The following IMMP2L variants were observed in gnomAD, a reference collection of about 807,000 sequenced individuals.
IMMP2L encodes inner mitochondrial membrane peptidase subunit 2.
A neutral mutation model predicts 19.3 loss-of-function variants in IMMP2L; 18 were observed. The observed-to-expected ratio is 0.93, with a 90% CI of 0.64 to 1.38. The LOEUF (loss-of-function observed/expected upper bound fraction) is 1.38, where lower values mean the gene tolerates loss of function less well. Ranked by LOEUF, IMMP2L falls within the 40% of genes most tolerant of loss-of-function variation. The probability of loss-of-function intolerance (pLI) is 0.00; values close to 1 mark genes in which losing one functional copy is unlikely to be tolerated. For synonymous variants in IMMP2L, 76 were observed against 73.0 expected (o/e 1.04, Z -0.21); for missense variants, 233 against 218.2 (o/e 1.07, Z -0.43).
intron 3 of IMMP2L, among the ~76,000 whole-genome samples, chr7:111,473,546 T>A (rs1249056418): frequency 1.3e-5 from 2 of 152,180 alleles, no homozygotes; most frequent in Non-Finnish European, 2.9e-5. Flanking sequence ...TAATCCAGCA[T>A]GGAGCTACAG....
intron 3 of IMMP2L, among the ~76,000 whole-genome samples, chr7:111,354,317 T>C (rs1249782255): frequency 1.3e-5 from 2 of 151,950 alleles, no homozygotes; most frequent in African/African-American, 4.8e-5. Flanking sequence ...AGAGAACATA[T>C]ATATTACCAT....
chr7:111,287,441 T>C (rs1015346342), intron 3 of IMMP2L, among the ~76,000 whole-genome samples: 2 of 151,902 alleles, frequency 1.3e-5, no homozygotes, highest in African/African-American at 2.4e-5. Flanking sequence ...TTAAACACCA[T>C]AACTGATTTG....
intron 3 of IMMP2L, among the ~76,000 whole-genome samples, chr7:111,039,998 C>G (rs1178205658): frequency 6.6e-6 from 1 of 152,168 alleles, no homozygotes; most frequent in Non-Finnish European, 1.5e-5. Flanking sequence ...AAACCCGTCT[C>G]TACTAAAAAT....
intron 3 of IMMP2L, among the ~76,000 whole-genome samples, chr7:111,323,322 T>C (rs1824947881): frequency 6.6e-6 from 1 of 151,986 alleles, no homozygotes; most frequent in Admixed American, 6.6e-5. Context: ...CATCAAAAAG[T>C]GGGCAAAGGA....
chr7:110,963,747 A>G (rs747122344), intron 3 of IMMP2L, among the ~76,000 whole-genome samples, 182 bp from the exon 4 acceptor site: 2 of 152,032 alleles, frequency 1.3e-5, no homozygotes, highest in Non-Finnish European at 2.9e-5. Context: ...AGTAATTCTC[A>G]TTTTAAATAA....
chr7:111,556,399 A>G lies in IMMP2L; in HGVS notation c.-3+5452T>C, dbSNP rs1191093629. 2.6e-5 allele frequency among the ~76,000 whole-genome samples: 4 copies of G among 152,112 alleles called. No homozygotes were observed. In the East Asian group the frequency reaches 5.8e-4, roughly 22 times the overall value. ...CCATTTTACTATTTACATGTATTCC[A>G]TAACATGTTATTTTCCTTAAATATA... On this transcript the variant is annotated intron_variant, in intron 1 of 5. Coordinates refer to ENST00000405709, the MANE Select transcript of IMMP2L (RefSeq NM_032549.4).
intron 3 of IMMP2L, among the ~76,000 whole-genome samples, chr7:111,101,116 C>T (rs1480532122): frequency 6.6e-6 from 1 of 151,468 alleles, no homozygotes; most frequent in African/African-American, 2.4e-5. Flanking sequence ...ATGGTGCTTT[C>T]TTTTCACATC....
intron 5 of IMMP2L, among the ~76,000 whole-genome samples, chr7:110,788,730 C>T (rs1800258974): frequency 6.6e-6 from 1 of 151,706 alleles, no homozygotes; most frequent in Non-Finnish European, 1.5e-5. Flanking sequence ...ATTCTCACAG[C>T]CTTCCCCATG....
intron 3 of IMMP2L, among the ~76,000 whole-genome samples, chr7:111,321,177 T>C (rs1055807010): frequency 5.9e-5 from 9 of 152,036 alleles, no homozygotes; most frequent in African/African-American, 1.9e-4. Flanking sequence ...GGCTACATCA[T>C]GGCCTTTTGA....
Position 110,727,803 on chromosome 7 carries a change from A to G in IMMP2L, c.409-64082T>C, listed in dbSNP as rs1795999228. ...AAAGTCATGGGACTTACCTGAACTT[A>G]TATCAAGGCGTAAGAAAAGAATTGC... On this transcript the variant is annotated intron_variant, in intron 5 of 5. Coordinates refer to ENST00000405709, the MANE Select transcript of IMMP2L (RefSeq NM_032549.4). This position sits in a 1 kb window ranked among gnomAD's most constrained non-coding sequence, Gnocchi z 4.3. 6.6e-6 allele frequency among the ~76,000 whole-genome samples: 1 copy of G among 152,256 alleles called. No individual in the cohort carries two copies. Among genetic ancestry groups the G allele is most frequent in the African/African-American group, 2.4e-5 (1 of 41,468 alleles).
At chr7:110,732,626 T>C (rs1796342831) in intron 5 of IMMP2L, among the ~76,000 whole-genome samples, 1 of 152,162 alleles carries the variant, frequency 6.6e-6, no homozygotes, top group Non-Finnish European at 1.5e-5. Context: ...AAATTAATAC[T>C]CCCTAAGCAA....
At chr7:111,353,554 A>T (rs1049218156) in intron 3 of IMMP2L, among the ~76,000 whole-genome samples, 1 of 152,166 alleles carries the variant, frequency 6.6e-6, no homozygotes, top group African/African-American at 2.4e-5. Flanking sequence ...AAGATTATTA[A>T]GCCAACTAGA....
intron 3 of IMMP2L, among the ~76,000 whole-genome samples, chr7:111,288,875 G>C (rs571942813): frequency 1.3e-5 from 2 of 152,176 alleles, no homozygotes; most frequent in East Asian, 3.9e-4. Context: ...CCTCAAAGAT[G>C]TAGAACCAGA....
At chr7:111,415,894 C>A (rs1392906048) in intron 3 of IMMP2L, among the ~76,000 whole-genome samples, 2 of 150,452 alleles carry the variant, frequency 1.3e-5, no homozygotes, top group Admixed American at 6.6e-5. Flanking sequence ...ACAACAACAA[C>A]AACAAAAAAA....
chr7:111,204,514 A>C (rs541429224), intron 3 of IMMP2L, among the ~76,000 whole-genome samples: 2 of 152,302 alleles, frequency 1.3e-5, no homozygotes, highest in South Asian at 2.1e-4. Flanking sequence ...GCACATAAGC[A>C]TAAAGTAGCT....
At chr7:111,106,399 G>C (rs977856827) in intron 3 of IMMP2L, among the ~76,000 whole-genome samples, 1 of 151,818 alleles carries the variant, frequency 6.6e-6, no homozygotes, top group Non-Finnish European at 1.5e-5. Flanking sequence ...TGAAATAATA[G>C]AAATCTCTTC....
chr7:111,150,874 C>G (rs1195900995), intron 3 of IMMP2L, among the ~76,000 whole-genome samples: 1 of 152,172 alleles, frequency 6.6e-6, no homozygotes, highest in Non-Finnish European at 1.5e-5. Context: ...TGCATGGCTT[C>G]CATATAACCA....
intron 3 of IMMP2L, among the ~76,000 whole-genome samples, chr7:111,413,889 G>C (rs1232115224): frequency 1.3e-5 from 2 of 151,684 alleles, no homozygotes; most frequent in African/African-American, 4.9e-5. Flanking sequence ...GATATGCTTT[G>C]TTCTCCTGTT....
chr7:110,741,609 G>C (rs996326200), intron 5 of IMMP2L, among the ~76,000 whole-genome samples: 1 of 152,146 alleles, frequency 6.6e-6, no homozygotes, highest in Admixed American at 6.5e-5. Flanking sequence ...GCCAGACTTA[G>C]AATTGTAAGC....
Sources: allele counts gnomAD v4.1 joint callset (sites outside exome capture counted in the v4.1 genomes callset), GRCh38; gene constraint gnomAD v4.1.1; non-coding constraint Gnocchi (gnomAD v3.1); transcripts MANE v1.5; gene names NCBI Gene and HGNC (gene_info 2026-07-23, HGNC 2026-07-21).